Variants in NELL2 observed in about 807,000 individuals in gnomAD.
NELL2 encodes protein kinase C-binding protein NELL2.
In NELL2, 41 loss-of-function variants were observed where a neutral mutation model predicts 109.6. That is an observed-to-expected ratio of 0.37 (90% CI 0.29 to 0.49). NELL2 has a LOEUF of 0.49. Ranked by LOEUF, NELL2 falls within the 20% of genes least tolerant of loss-of-function variation. The pLI is 0.98. For synonymous variants in NELL2, 355 were observed against 344.7 expected (o/e 1.03, Z -0.33); for missense variants, 900 against 1,008.3 (o/e 0.89, Z 1.45).
intron 13 of NELL2, among the ~76,000 whole-genome samples, chr12:44,615,579 T>C (rs1275658910): frequency 2.6e-5 from 4 of 152,130 alleles, no homozygotes; most frequent in African/African-American, 9.7e-5. Flanking sequence ...ATGTAATTGA[T>C]TGCCCAACAT....
At chr12:44,716,635 A>C (rs1216394928) in intron 9 of NELL2, among the ~76,000 whole-genome samples, 2 of 152,122 alleles carry the variant, frequency 1.3e-5, no homozygotes, top group African/African-American at 4.8e-5. Flanking sequence ...AATTATACTT[A>C]ATAAGTACTA....
At chr12:44,567,417 A>T (rs898643891) in intron 15 of NELL2, among the ~76,000 whole-genome samples, 5 of 152,174 alleles carry the variant, frequency 3.3e-5, no homozygotes, top group African/African-American at 9.6e-5. Flanking sequence ...AAAAATCAAG[A>T]CCTAAAAAAA....
intron 2 of NELL2, among the ~76,000 whole-genome samples, chr12:44,830,655 C>A (rs1592617245): frequency 6.6e-6 from 1 of 152,102 alleles, no homozygotes; most frequent in Admixed American, 6.5e-5. Flanking sequence ...CTGTTATGAT[C>A]ATGATGCCAG....
intron 1 of NELL2, among the ~76,000 whole-genome samples, chr12:44,883,109 A>G (rs1945434704): frequency 6.6e-6 from 1 of 151,224 alleles, no homozygotes; most frequent in Admixed American, 6.6e-5. Flanking sequence ...TTGGTCTCCC[A>G]AAATGCTAGG....
intron 15 of NELL2, among the ~76,000 whole-genome samples, chr12:44,570,648 T>C (rs1943832361): frequency 6.6e-6 from 1 of 152,148 alleles, no homozygotes; most frequent in Middle Eastern, 3.2e-3. Flanking sequence ...AATTACAATT[T>C]GGGGTGTTGG....
intron 3 of NELL2, among the ~76,000 whole-genome samples, chr12:44,809,987 G>A (rs904275844): frequency 6.6e-6 from 1 of 152,064 alleles, no homozygotes; most frequent in Non-Finnish European, 1.5e-5. Flanking sequence ...TTTCGAGGCA[G>A]TGGCTGCCAG....
chr12:44,712,309 T>C (rs991714308), intron 10 of NELL2, among the ~76,000 whole-genome samples: 2 of 152,046 alleles, frequency 1.3e-5, no homozygotes, highest in African/African-American at 2.4e-5. Context: ...TTTTCCTGGC[T>C]CATTTATGTA....
intron 9 of NELL2, among the ~76,000 whole-genome samples, chr12:44,769,158 TTAC>T (rs1475230940): frequency 3.3e-5 from 5 of 152,156 alleles, no homozygotes; most frequent in African/African-American, 1.2e-4. Context: ...TCCACTACCC[TTAC>T]TTTGCTACAC....
chr12:44,781,595 C>A (rs955943192), intron 3 of NELL2, among the ~76,000 whole-genome samples: 5 of 151,928 alleles, frequency 3.3e-5, no homozygotes, highest in East Asian at 1.9e-4. Flanking sequence ...TCATATCAAG[C>A]CATATCATAA....
chr12:44,633,906 C>T (rs1737094022), intron 13 of NELL2, among the ~76,000 whole-genome samples: 1 of 152,076 alleles, frequency 6.6e-6, no homozygotes, highest in African/African-American at 2.4e-5. Flanking sequence ...CACTCATAAC[C>T]ATTCCTGTAA....
chr12:44,820,665 C>T lies in NELL2; in HGVS notation c.185-4529G>A, dbSNP rs530657916. Among the ~76,000 whole-genome samples the T allele has an allele frequency of 3.3e-5, 5 of 151,030 alleles. No individual in the cohort carries two copies. The South Asian group carries it at 1.1e-3, about 32-fold the overall frequency. ...CTAAAGAACTTGGTCACTAATAAAT[C>T]ACAAGCAAAAGGTAAAAGAAAGGAG... On this transcript the variant is annotated intron_variant, in intron 2 of 19. Coordinates refer to ENST00000429094, the MANE Select transcript of NELL2 (RefSeq NM_001145108.2).
chr12:44,749,952 C>G (rs1346302624), intron 9 of NELL2, among the ~76,000 whole-genome samples: 1 of 149,976 alleles, frequency 6.7e-6, no homozygotes, highest in Non-Finnish European at 1.5e-5. Flanking sequence ...AGAAGAAATA[C>G]GTAAACCAGG....
intron 1 of NELL2, among the ~76,000 whole-genome samples, chr12:44,912,693 G>T (rs1187781264): frequency 1.3e-5 from 2 of 152,046 alleles, no homozygotes; most frequent in African/African-American, 2.4e-5. Context: ...GCCTAATAGT[G>T]CATAAAAGTC....
At chr12:44,513,200 A>C (rs1056538538) in intron 19 of NELL2, among the ~76,000 whole-genome samples, 3 of 151,990 alleles carry the variant, frequency 2.0e-5, no homozygotes, top group Admixed American at 2.0e-4. Flanking sequence ...GATTCATGCT[A>C]AAACTAAAGG....
At chr12:44,755,536 C>T (rs929138869) in intron 9 of NELL2, among the ~76,000 whole-genome samples, 1 of 146,352 alleles carries the variant, frequency 6.8e-6, no homozygotes, top group East Asian at 2.1e-4. Context: ...CTCCTTGGCT[C>T]TCCCCTCACC....
intron 2 of NELL2, chr12:44,875,004 A>T: frequency 3.8e-6 from 2 of 526,724 alleles, no homozygotes; most frequent in Non-Finnish European, 6.6e-6. Context: ...ACTATCCATT[A>T]GAACTGGCAA....
At chr12:44,797,086 T>C (rs1016296832) in intron 3 of NELL2, among the ~76,000 whole-genome samples, 2 of 151,676 alleles carry the variant, frequency 1.3e-5, no homozygotes, top group Admixed American at 1.3e-4. Flanking sequence ...AAGGAAAGGG[T>C]ATAATAAAGC....
intron 15 of NELL2, among the ~76,000 whole-genome samples, chr12:44,536,720 T>C (rs1381561043): frequency 3.9e-5 from 6 of 152,010 alleles, no homozygotes; most frequent in Non-Finnish European, 8.8e-5. Flanking sequence ...TTTTATTACA[T>C]ATTCTGTCTT....
At chr12:44,839,711 G>A (rs146235432) in intron 2 of NELL2, among the ~76,000 whole-genome samples, 17 of 152,242 alleles carry the variant, frequency 1.1e-4, no homozygotes, top group Non-Finnish European at 2.9e-5. Context: ...CAAGTTTGCC[G>A]TCAAGGCGAT....
Sources: gnomAD v4.1 joint callset for allele counts (sites outside exome capture counted in the v4.1 genomes callset) on GRCh38, gnomAD v4.1.1 for gene constraint, MANE v1.5 for transcripts, NCBI Gene and HGNC (gene_info 2026-07-23, HGNC 2026-07-21) for gene names.